Variants in SLC15A4 observed in about 807,000 individuals in gnomAD.
SLC15A4 encodes the protein solute carrier family 15 member 4.
SLC15A4 carries 26 observed loss-of-function variants against 46.1 expected under a neutral mutation model. The observed-to-expected ratio is 0.56, with a 90% confidence interval of 0.41 to 0.78. SLC15A4 has a LOEUF of 0.78. Among genes scored for constraint, SLC15A4 ranks in the 30% least tolerant of loss-of-function variants. The pLI is 0.00. For synonymous variants in SLC15A4, 370 were observed against 333.4 expected (o/e 1.11, Z -1.20); for missense variants, 751 against 755.7 (o/e 0.99, Z 0.07).
intron 1 of SLC15A4, among the ~76,000 whole-genome samples, chr12:128,821,899 A>AG (rs1555254394): frequency 1.8e-5 from 2 of 110,334 alleles, no homozygotes; most frequent in African/African-American, 6.0e-5. Context: ...AAAAAAAAAA[A>AG]AAAGAAAGAA....
rs901493046 is a variant in SLC15A4, at chr12:128,793,957, C to T, written c.*239G>A. On this transcript the variant is annotated 3_prime_UTR_variant, in exon 8 of 8. Transcript: ENST00000266771. ...ATTCACAGAGACCTTGAATGACAAG[C>T]GACATACTCGAAATCTGCAGCTCTC... 1.6e-5 allele frequency: 6 copies of T among 370,650 alleles called. No homozygotes were observed. The highest frequency in any genetic ancestry group is 2.1e-5 in the African/African-American group (1 of 48,276). The allele number at this position is 370,650 out of a possible 1,614,324, so 23.0% of individuals were successfully genotyped here.
intron 5 of SLC15A4, among the ~76,000 whole-genome samples, chr12:128,806,005 T>C (rs986064622): frequency 6.6e-6 from 1 of 151,482 alleles, no homozygotes; most frequent in African/African-American, 2.4e-5. Flanking sequence ...CTGTCTCTAC[T>C]AAAAATACAA....
chr12:128,797,395 G>GC (rs1251067533), intron 7 of SLC15A4, among the ~76,000 whole-genome samples: 2 of 151,980 alleles, frequency 1.3e-5, no homozygotes, highest in Non-Finnish European at 2.9e-5. Flanking sequence ...ACCTTCTGAG[G>GC]GGGGCAGTAA....
At chr12:128,801,481 A>G (rs1315029185) in intron 5 of SLC15A4, 1 of 154,754 alleles carries the variant, frequency 6.5e-6, no homozygotes, top group African/African-American at 2.4e-5. Flanking sequence ...TGATGATAAT[A>G]ATGATGATGA....
At chr12:128,822,084 C>G (rs1484841224) in intron 1 of SLC15A4, among the ~76,000 whole-genome samples, 1 of 152,162 alleles carries the variant, frequency 6.6e-6, no homozygotes, top group Non-Finnish European at 1.5e-5. Context: ...CCGGCCCCAG[C>G]CTTCCACCTC....
intron 4 of SLC15A4, 190 bp from the exon 5 acceptor site, chr12:128,809,146 T>C (rs1955623637): frequency 1.6e-6 from 1 of 642,782 alleles, no homozygotes; most frequent in Non-Finnish European, 2.6e-6. Flanking sequence ...TTTGCTTTTC[T>C]GTGTTTTGAG....
intron 1 of SLC15A4, among the ~76,000 whole-genome samples, chr12:128,821,840 C>G (rs1238898187): frequency 6.7e-6 from 1 of 149,296 alleles, no homozygotes; most frequent in African/African-American, 2.5e-5. Flanking sequence ...GAGCTGAGAT[C>G]GCGCCACTGC....
At chr12:128,817,124 TA>T (rs1332578042) in intron 1 of SLC15A4, among the ~76,000 whole-genome samples, 1 of 152,226 alleles carries the variant, frequency 6.6e-6, no homozygotes, top group Non-Finnish European at 1.5e-5. Flanking sequence ...GAAAATCACT[TA>T]TTCTCAAGAG....
rs1329423512 is a variant in SLC15A4, at chr12:128,823,540, G to A, written c.404C>T (p.Ser135Phe). Residue 135 changes from serine (S) to phenylalanine (F), a missense_variant, in exon 1 of 8, where the codon TCC becomes TTC. Physicochemically the swap from Ser to Phe is radical, Grantham distance 155. Transcript: ENST00000266771. The part of the protein sequence containing the change: ...APATRAALCG[S>F]ARLLNCTAPG... ...CGCCGTGCAGTTGAGCAGGCGCGCG[G>A]AACCGCAGAGCGCGGCTCGCGTGGC... The A allele has an allele frequency of 1.4e-6, 2 of 1,459,282 alleles. No homozygotes were observed. The highest frequency in any genetic ancestry group is 3.0e-5 in the East Asian group (1 of 33,718). The allele number at this position is 1,459,282 out of a possible 1,614,324, so 90.4% of individuals were successfully genotyped here. A position where few individuals can be genotyped will look rare whatever the true frequency, so the allele number is the denominator to read the frequency against.
chr12:128,804,920 C>T (rs532208249), intron 5 of SLC15A4, among the ~76,000 whole-genome samples: 3 of 152,244 alleles, frequency 2.0e-5, no homozygotes, highest in East Asian at 1.9e-4. Context: ...TCACTGAAAC[C>T]GCCAAAAACA....
intron 2 of SLC15A4, 173 bp downstream of exon 2, chr12:128,814,602 A>G (rs1377267783): frequency 7.6e-6 from 5 of 658,552 alleles, no homozygotes; most frequent in East Asian, 2.8e-5. Flanking sequence ...AGATGGGATA[A>G]TAAGACCGCA....
rs553937150 is a variant in SLC15A4 at position 128,808,385 on chromosome 12, CCTGACA to C, written c.1258+397_1258+402del. 2.0e-5 allele frequency among the ~76,000 whole-genome samples: 3 copies of C among 152,206 alleles called. No individual in the cohort carries two copies. The East Asian group carries it at 5.8e-4, about 29-fold the overall frequency. ...AAAAATTCAAAGGACTCGCAGGCACCCTGACACTTGTTAATAAACCTAAGGTTAGTA... is the reference window on the plus strand; with the variant it reads ...AAAAATTCAAAGGACTCGCAGGCACCCTTGTTAATAAACCTAAGGTTAGTA... On this transcript the variant is annotated intron_variant, in intron 5 of 7. Transcript: ENST00000266771.
intron 5 of SLC15A4, among the ~76,000 whole-genome samples, chr12:128,804,537 T>TAGTC (rs1955557604): frequency 6.6e-6 from 1 of 152,090 alleles, no homozygotes; most frequent in Admixed American, 6.6e-5. Context: ...CGAGACCAAC[T>TAGTC]TGGCCAATAT....
intron 1 of SLC15A4, among the ~76,000 whole-genome samples, chr12:128,821,899 A>AAAG (rs1235290098): frequency 3.3e-4 from 36 of 110,332 alleles, no homozygotes; most frequent in African/African-American, 1.1e-3. Context: ...AAAAAAAAAA[A>AAAG]AAAGAAAGAA....
intron 5 of SLC15A4, 174 bp from the exon 6 acceptor site, chr12:128,801,183 A>C: frequency 3.4e-6 from 2 of 588,724 alleles, no homozygotes; most frequent in East Asian, 3.0e-5. Flanking sequence ...CAGCCTCCTA[A>C]GCAGGCTGAG....
chr12:128,804,508 G>A (rs1955556453), intron 5 of SLC15A4, among the ~76,000 whole-genome samples: 1 of 152,200 alleles, frequency 6.6e-6, no homozygotes, highest in East Asian at 1.9e-4. Flanking sequence ...AAGGTGGGCA[G>A]ATCACAAGGT....
At chr12:128,795,696 C>A (rs1955435271) in intron 7 of SLC15A4, among the ~76,000 whole-genome samples, 1 of 152,250 alleles carries the variant, frequency 6.6e-6, no homozygotes, top group Non-Finnish European at 1.5e-5. Flanking sequence ...GCTAACATCA[C>A]CACTCAATGT....
Position 128,814,814 on chromosome 12 carries a change from C to T in SLC15A4, c.803G>A (p.Cys268Tyr). The T allele has an allele frequency of 6.2e-7, 1 of 1,614,202 alleles. No homozygotes were observed. The highest frequency in any genetic ancestry group is 8.5e-7 in the Non-Finnish European group (1 of 1,180,030). Residue 268 changes from cysteine (C) to tyrosine (Y), a missense_variant, in exon 2 of 8, where the codon TGC becomes TAC. Cys to Tyr is a radical substitution (Grantham distance 194). Coordinates refer to ENST00000266771, the MANE Select transcript of SLC15A4 (RefSeq NM_145648.4). ...CTCTCCACTTCGCTTCTGGGAACAG[C>T]AGGAATACGTCAGTATCTTGAACAT... is the stretch of plus-strand genomic sequence containing the variant. ...TDMFKILTYS[C>Y]CSQKRSGERQ...
At chr12:128,798,917 C>T (rs945133367) in intron 7 of SLC15A4, among the ~76,000 whole-genome samples, 1 of 149,928 alleles carries the variant, frequency 6.7e-6, no homozygotes, top group Non-Finnish European at 1.5e-5. Flanking sequence ...ATTCAGCTGC[C>T]TCACGAAGAC....
Sources: allele counts gnomAD v4.1 joint callset (sites outside exome capture counted in the v4.1 genomes callset), GRCh38; gene constraint gnomAD v4.1.1; transcripts MANE v1.5; gene names NCBI Gene and HGNC (gene_info 2026-07-23, HGNC 2026-07-21).